The following CSMD3 variants were observed in gnomAD, a reference collection of about 807,000 sequenced individuals.
CSMD3 encodes the protein CUB and sushi domain-containing protein 3.
Under a neutral mutation model 435.2 loss-of-function variants are expected in CSMD3, and 177 were observed. The observed-to-expected ratio is 0.41, with a 90% CI of 0.36 to 0.46. The LOEUF is 0.46. Ranked by LOEUF, CSMD3 falls within the 20% of genes least tolerant of loss-of-function variation. CSMD3 has a pLI of 0.34. For synonymous variants in CSMD3, 1,656 were observed against 1,520.5 expected, an observed-to-expected ratio of 1.09 and a Z score of -2.07; for missense variants, 4,265 against 4,504.6, an observed-to-expected ratio of 0.95 and a Z score of 1.52.
rs1289507927 is a variant in CSMD3, at chr8:112,921,675, T to C, written c.1585A>G (p.Ile529Val). The C allele has an allele frequency of 6.2e-7, 1 of 1,612,638 alleles. No individual in the cohort carries two copies. The highest frequency in any genetic ancestry group is 8.5e-7 in the Non-Finnish European group (1 of 1,178,988). The change falls in exon 10 of 71, where the codon ATA becomes GTA. Residue 529 changes from isoleucine to valine, a missense_variant. Around this residue, in one of 3 missense-constraint regions of CSMD3, gnomAD observed 731 missense variants for 755.4 expected, o/e 0.97. Coordinates refer to ENST00000297405, the MANE Select transcript of CSMD3 (RefSeq NM_198123.2). ...QGAKSITCQRIAEVFAAWSDH... is the reference protein window; with the variant it reads ...QGAKSITCQRVAEVFAAWSDH... The stretch of plus-strand genomic sequence containing the variant: ...CTCCAAGCAGCAAAAACTTCAGCTA[T>C]CCGTTGACAGGTGATGCTCTTTGCG...
At chr8:112,601,365 G>A (rs1446937667) in intron 22 of CSMD3, among the ~76,000 whole-genome samples, 1 of 151,954 alleles carries the variant, frequency 6.6e-6, no homozygotes, top group Admixed American at 6.6e-5. Context: ...TCACATAATG[G>A]GTGAACTTTA....
chr8:113,402,326 G>A (rs2094514090), intron 1 of CSMD3, among the ~76,000 whole-genome samples: 1 of 151,356 alleles, frequency 6.6e-6, no homozygotes. Flanking sequence ...TGAGCATTGA[G>A]AGACTAGTTT....
intron 69 of CSMD3, among the ~76,000 whole-genome samples, chr8:112,229,287 AGGTAAGT>A (rs1317320830): frequency 6.6e-6 from 1 of 152,222 alleles, no homozygotes; most frequent in African/African-American, 2.4e-5. Context: ...AGAAATGGGA[AGGTAAGT>A]GGCTTAGGTA....
At chr8:112,384,422 T>C (rs1314336885) in intron 36 of CSMD3, among the ~76,000 whole-genome samples, 1 of 152,220 alleles carries the variant, frequency 6.6e-6, no homozygotes, top group African/African-American at 2.4e-5. Flanking sequence ...TGTTACTTTA[T>C]TGCACATCAC....
chr8:112,669,326 C>G (rs1345386710), intron 16 of CSMD3, among the ~76,000 whole-genome samples: 1 of 151,874 alleles, frequency 6.6e-6, no homozygotes, highest in Non-Finnish European at 1.5e-5. Context: ...CCACTGTGCA[C>G]GGCCTAAAAA....
At chr8:113,399,827 T>G (rs1238897708) in intron 1 of CSMD3, among the ~76,000 whole-genome samples, 1 of 151,982 alleles carries the variant, frequency 6.6e-6, no homozygotes, top group Non-Finnish European at 1.5e-5. Flanking sequence ...GAATTATACT[T>G]TAATCTGTTT....
intron 31 of CSMD3, among the ~76,000 whole-genome samples, chr8:112,490,117 C>T (rs1392281609): frequency 6.6e-6 from 1 of 152,128 alleles, no homozygotes; most frequent in African/African-American, 2.4e-5. Context: ...AATCACAACT[C>T]CCATATATTT....
At position 112,671,198 on chromosome 8, in the gene CSMD3, C is replaced by G. The variant is rs182409706; in HGVS notation, c.2678-4783G>C. Among the ~76,000 whole-genome samples, 174 of 151,994 alleles carry G rather than the reference C, an allele frequency of 1.1e-3. 2 individuals carry two copies. Among genetic ancestry groups the G allele is most frequent in the African/African-American group, 3.9e-3 (161 of 41,466 alleles). ...GACAGGCTTCTTCCTGATTCAAGAC[C>G]CTCCTTCCCACCTCCCTTTCCTAGA... On this transcript the variant is annotated intron_variant, in intron 16 of 70. Coordinates refer to ENST00000297405, the MANE Select transcript of CSMD3 (RefSeq NM_198123.2).
chr8:112,870,506 G>T lies in CSMD3; in HGVS notation c.1634-11240C>A, dbSNP rs10955637. Among the ~76,000 whole-genome samples, 163 of 151,566 alleles carry T rather than the reference G, an allele frequency of 1.1e-3. 1 individual carries two copies. In the East Asian group the frequency reaches 0.029, roughly 27 times the overall value. On this transcript the variant is annotated intron_variant, in intron 10 of 70. Transcript: ENST00000297405. The stretch of plus-strand genomic sequence containing the variant: ...TTAGCCAGGATGGTCTCGATCTTCT[G>T]ACCTTGTGATCCACCCACCTCGGCC...
chr8:112,442,245 G>C (rs2130512569), intron 32 of CSMD3, among the ~76,000 whole-genome samples: 1 of 152,186 alleles, frequency 6.6e-6, no homozygotes, highest in African/African-American at 2.4e-5. Flanking sequence ...ACTTTCATGA[G>C]GGATCCATCC....
intron 61 of CSMD3, among the ~76,000 whole-genome samples, chr8:112,263,098 A>G (rs1222157762): frequency 1.3e-5 from 2 of 151,586 alleles, no homozygotes; most frequent in Non-Finnish European, 2.9e-5. Flanking sequence ...TTAATCTTGA[A>G]GTAACACTTG....
chr8:112,263,108 G>T (rs1194309456), intron 61 of CSMD3, among the ~76,000 whole-genome samples: 1 of 148,050 alleles, frequency 6.8e-6, no homozygotes, highest in East Asian at 2.0e-4. Context: ...AGTAACACTT[G>T]CTAGGTATAT....
chr8:112,835,304 T>C (rs1279052807), intron 11 of CSMD3, among the ~76,000 whole-genome samples: 1 of 151,928 alleles, frequency 6.6e-6, no homozygotes, highest in Non-Finnish European at 1.5e-5. Context: ...ATACCATAAC[T>C]TCTACATTGT....
rs758243580 is a variant in CSMD3, at chr8:112,884,112, CAGTA to C, written c.1634-24850_1634-24847del. ...GCCACAGGGTGTTTTAACCTGGACA[CAGTA>C]AAACAGTGCTTTAGAAGTCAAGAAA... On this transcript the variant is annotated intron_variant, in intron 10 of 70. Transcript: ENST00000297405. Among the ~76,000 whole-genome samples the C allele has an allele frequency of 3.5e-4, 53 of 151,884 alleles. No homozygotes were observed. The Middle Eastern group carries it at 0.014, about 39-fold the overall frequency.
intron 4 of CSMD3, among the ~76,000 whole-genome samples, chr8:113,163,073 T>C (rs1410334949): frequency 1.3e-5 from 2 of 152,120 alleles, no homozygotes; most frequent in Admixed American, 6.6e-5. Flanking sequence ...CATCATTCAA[T>C]AGATATTTGT....
chr8:112,837,160 G>GA (rs901288464), intron 11 of CSMD3, among the ~76,000 whole-genome samples: 6 of 151,450 alleles, frequency 4.0e-5, no homozygotes, highest in African/African-American at 7.3e-5. Context: ...AATTCTTCGG[G>GA]AAAAAAATAT....
At chr8:113,327,592 G>C (rs148531045) in intron 1 of CSMD3, among the ~76,000 whole-genome samples, 1 of 152,140 alleles carries the variant, frequency 6.6e-6, no homozygotes, top group Non-Finnish European at 1.5e-5. Flanking sequence ...CCAGCAATCA[G>C]GGGGAACAGA....
At chr8:112,718,298 T>C in intron 13 of CSMD3, among the ~76,000 whole-genome samples, 1 of 151,992 alleles carries the variant, frequency 6.6e-6, no homozygotes, top group Admixed American at 6.6e-5. Flanking sequence ...TACTCTATAA[T>C]ATGAGTACTT....
At chr8:113,014,065 G>A (rs949402043) in intron 6 of CSMD3, among the ~76,000 whole-genome samples, 10 of 152,090 alleles carry the variant, frequency 6.6e-5, no homozygotes, top group African/African-American at 2.4e-4. Context: ...ATCAGATACT[G>A]AGAGGATGGC....
Sources: allele counts gnomAD v4.1 joint callset (sites outside exome capture counted in the v4.1 genomes callset), GRCh38; gene constraint gnomAD v4.1.1; regional missense constraint gnomAD v4.1.1; transcripts MANE v1.5; gene names NCBI Gene and HGNC (gene_info 2026-07-23, HGNC 2026-07-21).